PTPRG: variants seen among roughly 807,000 people sequenced by gnomAD.
PTPRG encodes protein tyrosine phosphatase receptor type G, also known as receptor-type tyrosine-protein phosphatase gamma.
PTPRG carries 102 observed loss-of-function variants against 165.3 expected under a neutral mutation model. The ratio of observed to expected loss-of-function variants is 0.62; its 90% CI spans 0.53 to 0.73. The LOEUF (loss-of-function observed/expected upper bound fraction) is 0.73. Among genes scored for constraint, PTPRG ranks in the 30% least tolerant of loss-of-function variants. The probability of loss-of-function intolerance (pLI) is 0.00; values close to 1 mark genes in which losing one functional copy is unlikely to be tolerated. For missense variants in PTPRG, 1,866 were observed against 1,861.4 expected, an observed-to-expected ratio of 1.00 and a Z score of -0.05; for synonymous variants, 675 against 669.5, an observed-to-expected ratio of 1.01 and a Z score of -0.13.
chr3:62,282,905 G>A (rs376587896), intron 28 of PTPRG, 36 bp downstream of exon 28: 13 of 1,554,768 alleles, frequency 8.4e-6, no homozygotes, highest in Middle Eastern at 3.4e-4. Context: ...AATGTAGACC[G>A]TTTTTTTGTT....
intron 13 of PTPRG, among the ~76,000 whole-genome samples, chr3:62,226,088 C>T (rs1010629484): frequency 2.0e-5 from 3 of 152,168 alleles, no homozygotes; most frequent in African/African-American, 7.2e-5. Flanking sequence ...AAAACAGAGG[C>T]TTAGTAAGAT....
intron 6 of PTPRG, 31 bp downstream of exon 6, chr3:62,132,699 G>A: frequency 6.5e-7 from 1 of 1,538,022 alleles, no homozygotes; most frequent in Non-Finnish European, 9.0e-7. Context: ...TCCTTTTGCT[G>A]GGATGTGAAG....
At chr3:61,643,260 GGAGAGAGAGAGAGAGAAA>G (rs959681424) in intron 1 of PTPRG, among the ~76,000 whole-genome samples, 7 of 138,596 alleles carry the variant, frequency 5.1e-5, no homozygotes, top group South Asian at 2.2e-4. Context: ...CCCCATCTGG[GGAGAGAGAGAGAGAGAAA>G]GAGAGAGAGA....
intron 4 of PTPRG, among the ~76,000 whole-genome samples, chr3:62,016,559 A>T (rs1304833748): frequency 1.3e-5 from 2 of 151,980 alleles, no homozygotes; most frequent in Non-Finnish European, 2.9e-5. Flanking sequence ...CACTATTTCT[A>T]CCCTGATTCA....
At chr3:62,280,604 G>A (rs1236845011) in intron 26 of PTPRG, among the ~76,000 whole-genome samples, 1 of 151,982 alleles carries the variant, frequency 6.6e-6, no homozygotes, top group African/African-American at 2.4e-5. Context: ...CTCACACACT[G>A]TTGGTGGGAA....
At chr3:61,882,025 C>T (rs193084567) in intron 2 of PTPRG, among the ~76,000 whole-genome samples, 47 of 152,216 alleles carry the variant, frequency 3.1e-4, no homozygotes, top group Admixed American at 2.6e-3. Context: ...AGAGCTTATG[C>T]GAAGGGAGTT....
At chr3:62,148,634 G>A (rs1399578582) in intron 6 of PTPRG, among the ~76,000 whole-genome samples, 3 of 151,892 alleles carry the variant, frequency 2.0e-5, no homozygotes, top group Admixed American at 6.6e-5. Context: ...GCGTGGTGGC[G>A]TGCCTGTAGT....
chr3:62,113,887 T>G (rs1328625580), intron 5 of PTPRG, among the ~76,000 whole-genome samples: 1 of 152,232 alleles, frequency 6.6e-6, no homozygotes, highest in African/African-American at 2.4e-5. Context: ...TAGGTAGCTA[T>G]TTATGGATTT....
rs1341230385 is a variant in PTPRG, at chr3:61,962,761, T to C, written c.191-26864T>C. 6.6e-5 allele frequency among the ~76,000 whole-genome samples: 10 copies of C among 152,328 alleles called. 1 individual carries two copies. In the East Asian group the frequency reaches 1.9e-3, roughly 29 times the overall value. ...GCTTAGTATGTGTCAGGCACTGTTC[T>C]AGAAGCTGGGACACCAAAGAGAGCT... On this transcript the variant is annotated intron_variant, in intron 2 of 29. Transcript: ENST00000474889.
intron 1 of PTPRG, among the ~76,000 whole-genome samples, chr3:61,577,888 C>T (rs898406595): frequency 2.0e-5 from 3 of 152,126 alleles, no homozygotes; most frequent in Non-Finnish European, 4.4e-5. Flanking sequence ...TGGGATATTC[C>T]GGGTATGTTA....
chr3:62,022,527 G>C (rs1559751811), intron 4 of PTPRG, among the ~76,000 whole-genome samples: 1 of 152,144 alleles, frequency 6.6e-6, no homozygotes, highest in Non-Finnish European at 1.5e-5. Context: ...ATTACGGTGT[G>C]AACGATGCAG....
At chr3:62,026,063 C>CT (rs2041797324) in intron 4 of PTPRG, among the ~76,000 whole-genome samples, 1 of 152,192 alleles carries the variant, frequency 6.6e-6, no homozygotes, top group Non-Finnish European at 1.5e-5. Context: ...GCAGTGCCAT[C>CT]TGTCTTAAGC....
intron 26 of PTPRG, among the ~76,000 whole-genome samples, chr3:62,278,314 C>T (rs1559751558): frequency 6.6e-6 from 1 of 151,948 alleles, no homozygotes; most frequent in Non-Finnish European, 1.5e-5. Flanking sequence ...CAAGTCAGGT[C>T]TACTGCAGGG....
At chr3:62,171,175 G>T (rs1705200632) in intron 8 of PTPRG, among the ~76,000 whole-genome samples, 1 of 152,132 alleles carries the variant, frequency 6.6e-6, no homozygotes, top group Admixed American at 6.6e-5. Flanking sequence ...CAGTATACAT[G>T]CATATGTAGA....
intron 8 of PTPRG, among the ~76,000 whole-genome samples, chr3:62,182,978 G>A (rs934952358): frequency 7.2e-5 from 11 of 152,164 alleles, no homozygotes; most frequent in African/African-American, 1.2e-4. Flanking sequence ...TCTAAAGTAC[G>A]TTTGCTATAT....
chr3:61,826,015 T>C (rs2036100381), intron 2 of PTPRG, among the ~76,000 whole-genome samples: 1 of 152,222 alleles, frequency 6.6e-6, no homozygotes, highest in African/African-American at 2.4e-5. Context: ...AAATAATGCA[T>C]AGGAACTACT....
chr3:61,701,145 G>C (rs2030931398), intron 1 of PTPRG, among the ~76,000 whole-genome samples: 2 of 152,158 alleles, frequency 1.3e-5, no homozygotes, highest in Non-Finnish European at 1.5e-5. Context: ...TGTTTTCACG[G>C]AGTAGTCCAC....
intron 8 of PTPRG, among the ~76,000 whole-genome samples, chr3:62,176,722 C>T (rs964545456): frequency 2.0e-5 from 3 of 151,916 alleles, no homozygotes; most frequent in South Asian, 2.1e-4. Flanking sequence ...TGATCTGTAC[C>T]GTGGGGCCAT....
At position 61,629,315 on chromosome 3, in the gene PTPRG, CG is replaced by C. The variant is rs1399398546; in HGVS notation, c.85+66945del. 4.6e-5 allele frequency among the ~76,000 whole-genome samples: 7 copies of C among 151,990 alleles called. 1 individual carries two copies. Among genetic ancestry groups the C allele is most frequent in the Admixed American group, 3.9e-4 (6 of 15,262 alleles). On this transcript the variant is annotated intron_variant, in intron 1 of 29. Coordinates refer to ENST00000474889, the MANE Select transcript of PTPRG (RefSeq NM_002841.4). Reference sequence around the variant, plus strand: ...GATTACAGGCACCCACCACCATGACCGGCTAATTTTTGGGTTTTTAGTAGAG... The same window carrying C: ...GATTACAGGCACCCACCACCATGACCGCTAATTTTTGGGTTTTTAGTAGAG...
Sources: allele counts gnomAD v4.1 joint callset (sites outside exome capture counted in the v4.1 genomes callset), GRCh38; gene constraint gnomAD v4.1.1; transcripts MANE v1.5; gene names NCBI Gene and HGNC (gene_info 2026-07-23, HGNC 2026-07-21).